PKHD1: variants seen among roughly 807,000 people sequenced by gnomAD.
PKHD1 encodes PKHD1 ciliary IPT domain containing fibrocystin/polyductin.
Under a neutral mutation model 412.0 loss-of-function variants are expected in PKHD1, and 291 were observed. The observed-to-expected ratio is 0.71, with a 90% CI of 0.64 to 0.78. The LOEUF is 0.78. PKHD1 is among the 30% of genes least tolerant of loss of function. The pLI is 0.00. For synonymous variants in PKHD1, 1,777 were observed against 1,821.5 expected, an observed-to-expected ratio of 0.98 and a Z score of 0.62; for missense variants, 4,825 against 4,950.7, an observed-to-expected ratio of 0.97 and a Z score of 0.76.
At chr6:51,784,288 T>TA (rs1792511479) in intron 53 of PKHD1, among the ~76,000 whole-genome samples, 1 of 152,126 alleles carries the variant, frequency 6.6e-6, no homozygotes, top group Non-Finnish European at 1.5e-5. Context: ...ATAATAAAGG[T>TA]AGTCCTTGGG....
chr6:51,930,409 T>C (rs1182134038), intron 37 of PKHD1, among the ~76,000 whole-genome samples: 2 of 152,148 alleles, frequency 1.3e-5, no homozygotes, highest in African/African-American at 4.8e-5. Flanking sequence ...TGTGTATATG[T>C]GAGTGTATAA....
chr6:51,818,360 A>T (rs147297531), intron 52 of PKHD1, among the ~76,000 whole-genome samples: 10 of 152,326 alleles, frequency 6.6e-5, no homozygotes, highest in South Asian at 4.1e-4. Flanking sequence ...ATCTGTGTAT[A>T]TCACCATGAC....
chr6:51,634,758 G>A (rs757683275), intron 64 of PKHD1, among the ~76,000 whole-genome samples: 6 of 152,150 alleles, frequency 3.9e-5, no homozygotes, highest in Non-Finnish European at 8.8e-5. Flanking sequence ...CAAAGACAGA[G>A]AGGAGAAAAT....
rs562278516 is a variant in PKHD1 at position 51,901,614 on chromosome 6, T to C, written c.6996+1983A>G. On this transcript the variant is annotated intron_variant, in intron 43 of 66. Coordinates refer to ENST00000371117, the MANE Select transcript of PKHD1 (RefSeq NM_138694.4). ...ACAGCGCACCAGCATGGCACATGTA[T>C]ACATATGTAACTAACATGCACAATG... Among the ~76,000 whole-genome samples, 3 of 149,924 alleles carry C rather than the reference T, an allele frequency of 2.0e-5. No individual in the cohort carries two copies. The South Asian group carries it at 6.3e-4, about 31-fold the overall frequency.
chr6:52,050,734 A>C (rs1259155465), intron 21 of PKHD1, among the ~76,000 whole-genome samples: 2 of 152,148 alleles, frequency 1.3e-5, no homozygotes, highest in South Asian at 2.1e-4. Flanking sequence ...TTGGGTGTTT[A>C]TCCACAGTGT....
At position 52,059,973 on chromosome 6, in the gene PKHD1, G is replaced by T; in HGVS notation, c.1188C>A (p.Ser396Arg). The T allele has an allele frequency of 6.2e-7, 1 of 1,607,944 alleles. No homozygotes were observed. Among genetic ancestry groups the T allele is most frequent in the East Asian group, 2.2e-5 (1 of 44,856 alleles). The part of the protein sequence containing the change: ...NNYTFWIQAD[S>R]QASLHFSWSE... ...ACCAACTGAAATGCAAGGAAGCTTG[G>T]CTATCTGCCTGAATCCAGAAAGTGT... The change falls in exon 15 of 67, where the codon AGC (serine) becomes AGA (arginine). Residue 396 changes from serine (S) to arginine (R), a missense_variant. Physicochemically the swap from Ser to Arg is moderately radical, Grantham distance 110. Transcript: ENST00000371117.
At position 52,050,203 on chromosome 6, in the gene PKHD1, A is replaced by T; in HGVS notation, c.2233T>A (p.Ser745Thr). 6.2e-7 allele frequency: 1 copy of T among 1,614,210 alleles called. No individual in the cohort carries two copies. Among genetic ancestry groups the T allele is most frequent in the Non-Finnish European group, 8.5e-7 (1 of 1,180,010 alleles). The change falls in exon 22 of 67, where the codon TCC becomes ACC. Residue 745 changes from serine to threonine, a missense_variant. By Grantham distance (58) the Ser-to-Thr change is moderately conservative. Transcript: ENST00000371117. ...TCCGTGCCACACCCCGCCAGCCAGGAGGTGACACTGTAGACCGGAGGGGAT... is the reference window on the plus strand; with the variant it reads ...TCCGTGCCACACCCCGCCAGCCAGGTGGTGACACTGTAGACCGGAGGGGAT... ...VGSPPVYSVT[S>T]WLAGCGTELP...
Position 52,055,593 on chromosome 6 carries a change from A to G in PKHD1, c.1830T>C (p.Tyr610=), listed in dbSNP as rs749293235. ...AAQKGYRLDQ[Y]THLCLAYKGH... Reference sequence around the variant, plus strand: ...CACAAAGACTGCTACTCACGTGTGTATACTGATCTAGCCGATAGCCCTTCT... The same window carrying G: ...CACAAAGACTGCTACTCACGTGTGTGTACTGATCTAGCCGATAGCCCTTCT... Residue 610 remains tyrosine, a synonymous_variant, in exon 19 of 67, where the codon TAT becomes TAC. Transcript: ENST00000371117. The G allele has an allele frequency of 3.1e-6, 5 of 1,613,910 alleles. No individual in the cohort carries two copies. The highest frequency in any genetic ancestry group is 1.1e-5 in the South Asian group (1 of 91,078).
chr6:51,681,807 T>C (rs143208513), intron 60 of PKHD1, among the ~76,000 whole-genome samples: 9 of 152,252 alleles, frequency 5.9e-5, no homozygotes, highest in Admixed American at 2.0e-4. Flanking sequence ...CATTTGTTTA[T>C]GTATTGCCTA....
intron 60 of PKHD1, among the ~76,000 whole-genome samples, chr6:51,687,568 C>T (rs1777603151): frequency 6.6e-6 from 1 of 152,154 alleles, no homozygotes; most frequent in South Asian, 2.1e-4. Context: ...GCCACCATGT[C>T]ACCTGTTATC....
At chr6:52,038,199 G>C (rs930143828) in intron 27 of PKHD1, among the ~76,000 whole-genome samples, 2 of 152,044 alleles carry the variant, frequency 1.3e-5, no homozygotes, top group African/African-American at 4.8e-5. Context: ...GGCCAGCATG[G>C]TGAAACCCTG....
chr6:51,937,250 C>T (rs1381531567), intron 36 of PKHD1, among the ~76,000 whole-genome samples: 1 of 152,174 alleles, frequency 6.6e-6, no homozygotes, highest in Admixed American at 6.5e-5. Flanking sequence ...CTTGTCTAAC[C>T]TTTCCAGACC....
chr6:51,755,619 G>A (rs773993767), intron 55 of PKHD1, among the ~76,000 whole-genome samples: 18 of 152,056 alleles, frequency 1.2e-4, no homozygotes, highest in Non-Finnish European at 2.2e-4. Flanking sequence ...TTTCACTGCC[G>A]CCTAGCATTC....
chr6:51,701,363 T>A (rs930995146), intron 60 of PKHD1, among the ~76,000 whole-genome samples: 2 of 152,114 alleles, frequency 1.3e-5, no homozygotes, highest in African/African-American at 4.8e-5. Flanking sequence ...TGCCAGTCAA[T>A]CATTCACAGA....
chr6:51,966,288 T>C (rs759482020), intron 35 of PKHD1, among the ~76,000 whole-genome samples: 9 of 152,136 alleles, frequency 5.9e-5, no homozygotes, highest in Admixed American at 3.3e-4. Context: ...CCAGGACAAC[T>C]TGAAGCAGGG....
intron 61 of PKHD1, among the ~76,000 whole-genome samples, 175 bp downstream of exon 61, chr6:51,658,777 T>C (rs1212315332): frequency 6.6e-6 from 1 of 152,120 alleles, no homozygotes; most frequent in Non-Finnish European, 1.5e-5. Context: ...GAATTTAATA[T>C]AGAATCTAAA....
At chr6:51,840,511 G>T (rs1226163844) in intron 50 of PKHD1, among the ~76,000 whole-genome samples, 1 of 152,080 alleles carries the variant, frequency 6.6e-6, no homozygotes, top group African/African-American at 2.4e-5. Flanking sequence ...ACTCAGAGAA[G>T]AATAACAATT....
At chr6:51,631,927 C>CTTTTTTTTTTT (rs1277193806) in intron 65 of PKHD1, among the ~76,000 whole-genome samples, 15 of 137,650 alleles carry the variant, frequency 1.1e-4, no homozygotes, top group African/African-American at 3.3e-4. Context: ...TCCCCGGATT[C>CTTTTTTTTTTT]TTTTTTTTTT....
Position 52,048,551 on chromosome 6 carries a change from C to T in PKHD1, c.2348G>A (p.Arg783Gln), listed in dbSNP as rs185941281. The T allele has an allele frequency of 6.7e-4, 1,085 of 1,614,016 alleles. 4 individuals carry two copies. Among genetic ancestry groups the T allele is most frequent in the South Asian group, 1.5e-4 (14 of 91,074 alleles). The change falls in exon 23 of 67, where the codon CGG (arginine) becomes CAG (glutamine). Residue 783 changes from arginine (R) to glutamine (Q), a missense_variant. Physicochemically the swap from Arg to Gln is conservative, Grantham distance 43. Transcript: ENST00000371117. ...GTGTCCTCCTAGAGGTGGACTTGTCCGCTGTCGTCTCTGTGTCGTCACCAG... is the reference window on the plus strand; with the variant it reads ...GTGTCCTCCTAGAGGTGGACTTGTCTGCTGTCGTCTCTGTGTCGTCACCAG... ...LVLVTTQRRQ[R>Q]TSPPLGGHFR... is the part of the protein sequence containing the mutation.
Sources: gnomAD v4.1 joint callset for allele counts (sites outside exome capture counted in the v4.1 genomes callset) on GRCh38, gnomAD v4.1.1 for gene constraint, MANE v1.5 for transcripts, NCBI Gene and HGNC (gene_info 2026-07-23, HGNC 2026-07-21) for gene names.